Variants in MAML3 observed in about 807,000 individuals in gnomAD.
MAML3 encodes the protein mastermind like transcriptional coactivator 3, also known as mastermind-like protein 3.
In MAML3, 27 loss-of-function variants were observed where a neutral mutation model predicts 101.9. The ratio of observed to expected loss-of-function variants is 0.27; its 90% CI spans 0.20 to 0.37. MAML3 has a LOEUF of 0.37. Ranked by LOEUF, MAML3 falls within the 10% of genes least tolerant of loss-of-function variation. The pLI, the probability that MAML3 is intolerant of heterozygous loss-of-function variation, is 1.00. For synonymous variants in MAML3, 501 were observed against 555.9 expected, an observed-to-expected ratio of 0.90 and a Z score of 1.39; for missense variants, 1,316 against 1,444.9, an observed-to-expected ratio of 0.91 and a Z score of 1.45.
At chr4:139,961,350 A>G (rs1369868498) in intron 1 of MAML3, among the ~76,000 whole-genome samples, 1 of 152,272 alleles carries the variant, frequency 6.6e-6, no homozygotes, top group Non-Finnish European at 1.5e-5. Context: ...TTCCACAGAA[A>G]GAGGTGTTTT....
At chr4:139,829,506 T>G (rs1731125535) in intron 2 of MAML3, among the ~76,000 whole-genome samples, 1 of 152,280 alleles carries the variant, frequency 6.6e-6, no homozygotes, top group South Asian at 2.1e-4. Context: ...ATGAGGAAGC[T>G]GAACATACCA....
chr4:140,126,056 G>C (rs1028793700), intron 1 of MAML3, among the ~76,000 whole-genome samples: 1 of 151,912 alleles, frequency 6.6e-6, no homozygotes, highest in Non-Finnish European at 1.5e-5. Flanking sequence ...GATTACAGGC[G>C]TAAGCCACCG....
rs193223816 is a variant in MAML3 at position 140,118,847 on chromosome 4, C to A, written c.468+34013G>T. Among the ~76,000 whole-genome samples, 559 of 152,224 alleles carry A rather than the reference C, an allele frequency of 3.7e-3. 3 individuals are homozygous for A. The highest frequency in any genetic ancestry group is 0.013 in the African/African-American group (526 of 41,512). On this transcript the variant is annotated intron_variant, in intron 1 of 4. Transcript: ENST00000509479. Reference sequence around the variant, plus strand: ...AAGAGCCACTTCTGATCAAGTAACCCAAGTTGATTAGATTCTGTTCACCTC... The same window carrying A: ...AAGAGCCACTTCTGATCAAGTAACCAAAGTTGATTAGATTCTGTTCACCTC...
chr4:139,838,543 C>T (rs571811090), intron 2 of MAML3, among the ~76,000 whole-genome samples: 1 of 152,204 alleles, frequency 6.6e-6, no homozygotes, highest in South Asian at 2.1e-4. Context: ...GAATCTTAAG[C>T]TTAGTAAAAT....
In MAML3 at chr4:140,026,790, T is replaced by G. The variant is rs77054824; in HGVS notation, c.468+126070A>C. 7.7e-3 allele frequency among the ~76,000 whole-genome samples: 1,169 copies of G among 152,302 alleles called. 13 individuals are homozygous for G. The highest frequency in any genetic ancestry group is 0.029 in the Admixed American group (442 of 15,294). On this transcript the variant is annotated intron_variant, in intron 1 of 4. Transcript: ENST00000509479. ...ACATTAAAATATGGGCATTTTTTCCTGTTCTAATTCCGCATAAACACCCAT... is the reference window on the plus strand; with the variant it reads ...ACATTAAAATATGGGCATTTTTTCCGGTTCTAATTCCGCATAAACACCCAT...
At chr4:139,921,382 G>C (rs1242142688) in intron 1 of MAML3, among the ~76,000 whole-genome samples, 1 of 152,084 alleles carries the variant, frequency 6.6e-6, no homozygotes, top group Non-Finnish European at 1.5e-5. Context: ...CTCCTGAGCT[G>C]CTCACTATCG....
At chr4:139,998,361 TTC>T (rs35386057) in intron 1 of MAML3, among the ~76,000 whole-genome samples, 75,642 of 151,728 alleles carry the variant, frequency 0.5, 19,289 homozygotes, top group East Asian at 0.65. Context: ...AAAAATAGAT[TTC>T]TGTTTTCTTA....
intron 2 of MAML3, chr4:139,730,936 T>C: frequency 2.0e-6 from 1 of 502,582 alleles, no homozygotes. Flanking sequence ...GACTGACTAT[T>C]GCATATAGAC....
Position 139,890,247 on chromosome 4 carries a change from C to T in MAML3, c.1189G>A (p.Val397Ile). 1 of 1,613,720 alleles carries T rather than the reference C, an allele frequency of 6.2e-7. No homozygotes were observed. Among genetic ancestry groups the T allele is most frequent in the Non-Finnish European group, 8.5e-7 (1 of 1,179,870 alleles). The change falls in exon 2 of 5, where the codon GTT becomes ATT. Residue 397 changes from valine (V) to isoleucine (I), a missense_variant. Physicochemically the swap from Val to Ile is conservative, Grantham distance 29. Coordinates refer to ENST00000509479, the MANE Select transcript of MAML3 (RefSeq NM_018717.5). The surrounding 1 kb of genome is among the most constrained non-coding windows in gnomAD (Gnocchi z 4.1). ...TTTGGAGCTGCGGGAGTGCTGGCAA[C>T]AGAAGGTAAACTAGTGGCCGTGGAG... Reference protein sequence around the residue: ...TVSTATSLPSVASTPAAPNPA... With the variant: ...TVSTATSLPSIASTPAAPNPA...
At chr4:139,997,568 T>A (rs1734841358) in intron 1 of MAML3, among the ~76,000 whole-genome samples, 1 of 152,090 alleles carries the variant, frequency 6.6e-6, no homozygotes, top group Non-Finnish European at 1.5e-5. Context: ...TCATGTCTTT[T>A]AAAGAAGGTA....
chr4:139,971,769 T>C (rs933087550), intron 1 of MAML3, among the ~76,000 whole-genome samples: 2 of 152,206 alleles, frequency 1.3e-5, no homozygotes, highest in African/African-American at 4.8e-5. Context: ...TCTCTGATAC[T>C]AGCACTTGAC....
At chr4:139,839,358 T>C (rs1261031033) in intron 2 of MAML3, among the ~76,000 whole-genome samples, 3 of 152,060 alleles carry the variant, frequency 2.0e-5, no homozygotes, top group Non-Finnish European at 1.5e-5. Context: ...ACTACCAGAA[T>C]GGGGGGCTAA....
At chr4:140,059,309 G>A (rs1035816115) in intron 1 of MAML3, among the ~76,000 whole-genome samples, 2 of 152,214 alleles carry the variant, frequency 1.3e-5, no homozygotes, top group African/African-American at 4.8e-5. Context: ...ACAAGGCAAA[G>A]TGGGGATTCA....
rs1730293637 is a variant in MAML3 at position 139,785,670 on chromosome 4, T to G, written c.2080-55003A>C. ...TCCCTTCATTCACATATCTCTGCAC[T>G]AATTTTTTTTTTCCTGTGATAAAAC... On this transcript the variant is annotated intron_variant, in intron 2 of 4. Transcript: ENST00000509479. This position sits in a 1 kb window ranked among gnomAD's most constrained non-coding sequence, Gnocchi z 4.3. 6.6e-6 allele frequency among the ~76,000 whole-genome samples: 1 copy of G among 152,136 alleles called. No homozygotes were observed. The highest frequency in any genetic ancestry group is 1.5e-5 in the Non-Finnish European group (1 of 68,010).
chr4:139,901,570 C>T (rs1179316398), intron 1 of MAML3, among the ~76,000 whole-genome samples: 2 of 152,122 alleles, frequency 1.3e-5, no homozygotes, highest in African/African-American at 4.8e-5. Flanking sequence ...TTATTTAGAG[C>T]TGTAAAGAAA....
At chr4:139,791,111 A>G (rs1020255271) in intron 2 of MAML3, among the ~76,000 whole-genome samples, 3 of 152,236 alleles carry the variant, frequency 2.0e-5, no homozygotes, top group Non-Finnish European at 4.4e-5. Context: ...CTTAATATGT[A>G]CTGAACTTTA....
intron 2 of MAML3, among the ~76,000 whole-genome samples, chr4:139,738,310 A>G (rs1413590323): frequency 6.6e-6 from 1 of 152,218 alleles, no homozygotes; most frequent in Non-Finnish European, 1.5e-5. Context: ...TTGAGAGGCT[A>G]AGGCGGGTGG....
At chr4:139,727,394 T>C (rs916845883) in intron 3 of MAML3, among the ~76,000 whole-genome samples, 3 of 152,204 alleles carry the variant, frequency 2.0e-5, no homozygotes, top group African/African-American at 7.2e-5. Context: ...AAACTTCCCA[T>C]ATAATATAAG....
Position 139,886,436 on chromosome 4 carries a change from AT to A in MAML3, c.2079+2920del, listed in dbSNP as rs777156271. On this transcript the variant is annotated intron_variant, in intron 2 of 4. Transcript: ENST00000509479. Reference sequence around the variant, plus strand: ...AAGAGGAAAACAATAATCACTCATAATTTTTCCAGCCAGAAATAAATATCAT... The same window carrying A: ...AAGAGGAAAACAATAATCACTCATAATTTTCCAGCCAGAAATAAATATCAT... Among the ~76,000 whole-genome samples the A allele has an allele frequency of 2.0e-5, 3 of 152,142 alleles. No individual in the cohort carries two copies. In the East Asian group the frequency reaches 5.8e-4, roughly 29 times the overall value.
Sources: gnomAD v4.1 joint callset for allele counts (sites outside exome capture counted in the v4.1 genomes callset) on GRCh38, gnomAD v4.1.1 for gene constraint, Gnocchi (gnomAD v3.1) non-coding constraint, MANE v1.5 for transcripts, NCBI Gene and HGNC (gene_info 2026-07-23, HGNC 2026-07-21) for gene names.